CSMD1: variants seen among roughly 807,000 people sequenced by gnomAD.
The protein encoded by CSMD1 is CUB and Sushi multiple domains 1, also known as CUB and sushi domain-containing protein 1.
Under a neutral mutation model 417.5 loss-of-function variants are expected in CSMD1, and 213 were observed. The ratio of observed to expected loss-of-function variants is 0.51; its 90% CI spans 0.46 to 0.57. CSMD1 has a LOEUF of 0.57. Among genes scored for constraint, CSMD1 ranks in the 20% least tolerant of loss-of-function variants. The pLI, the probability that CSMD1 is intolerant of heterozygous loss-of-function variation, is 0.00. For missense variants in CSMD1, 6,923 were observed against 4,529.7 expected, an observed-to-expected ratio of 1.53 and a Z score of -15.17; for synonymous variants, 2,862 against 1,736.8, an observed-to-expected ratio of 1.65 and a Z score of -16.11.
chr8:3,242,200 C>T (rs1395634267), intron 26 of CSMD1, among the ~76,000 whole-genome samples: 2 of 151,864 alleles, frequency 1.3e-5, no homozygotes, highest in African/African-American at 4.8e-5. Flanking sequence ...AAACAGTAAG[C>T]TGGACCAGGT....
intron 1 of CSMD1, among the ~76,000 whole-genome samples, chr8:4,708,876 A>G (rs1271661300): frequency 6.6e-6 from 1 of 152,214 alleles, no homozygotes; most frequent in African/African-American, 2.4e-5. Flanking sequence ...GGAAATTAGA[A>G]TTCAAAACAC....
chr8:3,576,241 A>G (rs1669983826), intron 9 of CSMD1, among the ~76,000 whole-genome samples: 1 of 151,012 alleles, frequency 6.6e-6, no homozygotes, highest in South Asian at 2.1e-4. Flanking sequence ...CTCAAGAACC[A>G]GACATTTCTC....
At chr8:4,166,544 G>C (rs911724745) in intron 3 of CSMD1, among the ~76,000 whole-genome samples, 3 of 152,272 alleles carry the variant, frequency 2.0e-5, no homozygotes, top group Middle Eastern at 3.4e-3. Flanking sequence ...TTATAAGTGG[G>C]AGCTAAGCAA....
chr8:4,313,503 A>G (rs1346153679), intron 3 of CSMD1, among the ~76,000 whole-genome samples: 1 of 76,162 alleles, frequency 1.3e-5, no homozygotes, highest in Non-Finnish European at 2.7e-5. Flanking sequence ...TTACATGTCA[A>G]AATGAAAAAA....
In CSMD1 at chr8:3,730,370, A is replaced by AT. The variant is rs374243053; in HGVS notation, c.932-21880dup. Reference sequence around the variant, plus strand: ...TGCTCCCAAAAAAATTTAAGGAGCGATTTTTTTTTTTTTTTTGCCCTGTGT... The same window carrying AT: ...TGCTCCCAAAAAAATTTAAGGAGCGATTTTTTTTTTTTTTTTTGCCCTGTGT... On this transcript the variant is annotated intron_variant, in intron 6 of 69. Coordinates refer to ENST00000635120, the MANE Select transcript of CSMD1 (RefSeq NM_033225.6). Among the ~76,000 whole-genome samples the AT allele has an allele frequency of 5.8e-4, 76 of 131,828 alleles. 14 individuals are homozygous for AT. The highest frequency in any genetic ancestry group is 6.8e-4 in the East Asian group (3 of 4,388). The allele number at this position is 131,828 out of a possible 152,430, so 86.5% of individuals were successfully genotyped here.
Position 2,982,174 on chromosome 8 carries a change from G to A in CSMD1, c.8378-3374C>T, listed in dbSNP as rs561221149. Among the ~76,000 whole-genome samples, 18 of 152,140 alleles carry A rather than the reference G, an allele frequency of 1.2e-4. No homozygotes were observed. In the South Asian group the frequency reaches 3.1e-3, roughly 26 times the overall value. On this transcript the variant is annotated intron_variant, in intron 54 of 69. Transcript: ENST00000635120. ...AGTTCGAGACCAGCCTGGCCAACACGGCGAAACCCCATCTCTATTAAAAAT... is the reference window on the plus strand; with the variant it reads ...AGTTCGAGACCAGCCTGGCCAACACAGCGAAACCCCATCTCTATTAAAAAT...
chr8:4,478,718 T>A (rs1800934692), intron 2 of CSMD1, among the ~76,000 whole-genome samples: 1 of 152,216 alleles, frequency 6.6e-6, no homozygotes, highest in African/African-American at 2.4e-5. Context: ...CTGATTCTTC[T>A]CCAAAATGCA....
intron 1 of CSMD1, among the ~76,000 whole-genome samples, chr8:4,732,216 C>T (rs902876619): frequency 6.6e-6 from 1 of 152,086 alleles, no homozygotes; most frequent in African/African-American, 2.4e-5. Flanking sequence ...GTATCAGACC[C>T]CATGGGTAGA....
intron 2 of CSMD1, among the ~76,000 whole-genome samples, chr8:4,477,897 G>T (rs528937692): frequency 1.3e-5 from 2 of 152,056 alleles, no homozygotes; most frequent in African/African-American, 2.4e-5. Context: ...ATAACTGGTG[G>T]CAAAACCTGA....
chr8:4,828,365 G>C (rs1799953049), intron 1 of CSMD1, among the ~76,000 whole-genome samples: 1 of 152,130 alleles, frequency 6.6e-6, no homozygotes, highest in Non-Finnish European at 1.5e-5. Context: ...TTGTTGACCT[G>C]AATATGGAAG....
At chr8:3,905,843 C>T in intron 5 of CSMD1, among the ~76,000 whole-genome samples, 1 of 152,178 alleles carries the variant, frequency 6.6e-6, no homozygotes, top group Non-Finnish European at 1.5e-5. Flanking sequence ...CATTCTAGTT[C>T]CTTCCGGACT....
At chr8:3,136,517 G>A (rs567984400) in intron 41 of CSMD1, among the ~76,000 whole-genome samples, 3 of 152,046 alleles carry the variant, frequency 2.0e-5, no homozygotes, top group East Asian at 1.9e-4. Flanking sequence ...TACCCACCTC[G>A]GCCTCCCAAA....
intron 3 of CSMD1, among the ~76,000 whole-genome samples, chr8:4,223,182 T>G (rs1467494382): frequency 6.6e-6 from 1 of 150,966 alleles, no homozygotes; most frequent in Non-Finnish European, 1.5e-5. Context: ...CGGGAGTTAA[T>G]AAAAGTCACT....
chr8:4,395,653 T>G (rs1804152205), intron 3 of CSMD1, among the ~76,000 whole-genome samples: 1 of 151,534 alleles, frequency 6.6e-6, no homozygotes, highest in Admixed American at 6.6e-5. Flanking sequence ...AATGTTTTGA[T>G]AAGACTCTGT....
chr8:3,657,250 G>C (rs985849524), intron 7 of CSMD1, among the ~76,000 whole-genome samples: 8 of 152,238 alleles, frequency 5.3e-5, no homozygotes, highest in African/African-American at 1.9e-4. Flanking sequence ...AAAAGCAGCA[G>C]CATTTCTATA....
At chr8:4,409,407 A>AC (rs1038314094) in intron 3 of CSMD1, among the ~76,000 whole-genome samples, 1 of 152,120 alleles carries the variant, frequency 6.6e-6, no homozygotes, top group African/African-American at 2.4e-5. Flanking sequence ...AGTGATTTTC[A>AC]CCCCATATTC....
intron 5 of CSMD1, among the ~76,000 whole-genome samples, chr8:3,862,434 T>C (rs1019530650): frequency 1.3e-5 from 2 of 152,216 alleles, no homozygotes; most frequent in African/African-American, 4.8e-5. Context: ...TACATTCTCC[T>C]GGAATAAGTG....
intron 6 of CSMD1, among the ~76,000 whole-genome samples, chr8:3,752,561 G>T (rs1196682005): frequency 6.6e-6 from 1 of 150,984 alleles, no homozygotes; most frequent in Non-Finnish European, 1.5e-5. Context: ...GCCTGAGACA[G>T]GAGAATCACT....
intron 1 of CSMD1, among the ~76,000 whole-genome samples, chr8:4,723,394 T>G (rs570337025): frequency 2.6e-5 from 4 of 152,124 alleles, no homozygotes; most frequent in Non-Finnish European, 5.9e-5. Context: ...TTGCCATTTC[T>G]GAAAACAAAA....
Sources: allele counts gnomAD v4.1 joint callset (sites outside exome capture counted in the v4.1 genomes callset), GRCh38; gene constraint gnomAD v4.1.1; transcripts MANE v1.5; gene names NCBI Gene and HGNC (gene_info 2026-07-23, HGNC 2026-07-21).